Variants in ATP5F1E observed in about 807,000 individuals in gnomAD.
ATP5F1E encodes the protein ATP synthase F1 subunit epsilon.
ATP5F1E carries 5 observed loss-of-function variants against 7.0 expected under a neutral mutation model. The observed-to-expected ratio is 0.71, with a 90% CI of 0.37 to 1.49. The LOEUF (loss-of-function observed/expected upper bound fraction) is 1.49, where lower values mean the gene tolerates loss of function less well. ATP5F1E is among the 40% of genes most tolerant of loss of function. The pLI, the probability that ATP5F1E is intolerant of heterozygous loss-of-function variation, is 0.03. For missense variants in ATP5F1E, 59 were observed against 57.1 expected (o/e 1.03, Z -0.11); for synonymous variants, 20 against 20.1 (o/e 0.99, Z 0.02).
At chr20:59,031,857 G>GTA (rs1159258024) in intron 1 of ATP5F1E, among the ~76,000 whole-genome samples, 2 of 152,258 alleles carry the variant, frequency 1.3e-5, no homozygotes, top group Non-Finnish European at 2.9e-5. Context: ...CGAGGTGGAT[G>GTA]TGACTGTACT....
Position 59,032,318 on chromosome 20 carries a change from C to G in ATP5F1E, c.-67G>C. 1.3e-6 allele frequency: 2 copies of G among 1,560,596 alleles called. No homozygotes were observed. Among genetic ancestry groups the G allele is most frequent in the Non-Finnish European group, 1.7e-6 (2 of 1,151,242 alleles). On this transcript the variant is annotated 5_prime_UTR_variant, in exon 1 of 3. Coordinates refer to ENST00000243997, the MANE Select transcript of ATP5F1E (RefSeq NM_006886.4). ...CGCCGGCAATGTCGGCTCAGCCGGG[C>G]GGTTCAGCCGCAGGAAGATCAGACC...
chr20:59,026,056 C>T lies in ATP5F1E; in HGVS notation c.*2789G>A, dbSNP rs996863355. On this transcript the variant is annotated 3_prime_UTR_variant, in exon 3 of 3. Transcript: ENST00000243997. ...GATAACCGGTAATGGGAAAATGCTCCGACCCTCAATGCAGTAAATATTTAC... is the reference window on the plus strand; with the variant it reads ...GATAACCGGTAATGGGAAAATGCTCTGACCCTCAATGCAGTAAATATTTAC... 3.3e-5 allele frequency: 5 copies of T among 152,054 alleles called. No homozygotes were observed. The highest frequency in any genetic ancestry group is 6.6e-5 in the Admixed American group (1 of 15,266). 9.4% of individuals were successfully genotyped at this position (152,054 alleles called of 1,614,324 possible).
chr20:59,026,385 G>T lies in ATP5F1E; in HGVS notation c.*2460C>A, dbSNP rs1225277237. 1 of 152,178 alleles carries T rather than the reference G, an allele frequency of 6.6e-6. No individual in the cohort carries two copies. The allele number at this position is 152,178 out of a possible 1,614,324, so 9.4% of individuals were successfully genotyped here. ...TACCTATATACTTAGTTTGAAGTTAGTAACTTCCTGAGATGCTAAAGACTT... is the reference window on the plus strand; with the variant it reads ...TACCTATATACTTAGTTTGAAGTTATTAACTTCCTGAGATGCTAAAGACTT... On this transcript the variant is annotated 3_prime_UTR_variant, in exon 3 of 3. Transcript: ENST00000243997.
At chr20:59,029,542 A>G (rs904148122) in intron 2 of ATP5F1E, 2 of 152,250 alleles carry the variant, frequency 1.3e-5, no homozygotes, top group Non-Finnish European at 2.9e-5. Flanking sequence ...AAAGCAAAAC[A>G]AGAAAAATTA....
In ATP5F1E at chr20:59,026,066, T is replaced by C. The variant is rs957657532; in HGVS notation, c.*2779A>G. Reference sequence around the variant, plus strand: ...AATGGGAAAATGCTCCGACCCTCAATGCAGTAAATATTTACTTGCAGGCAA... The same window carrying C: ...AATGGGAAAATGCTCCGACCCTCAACGCAGTAAATATTTACTTGCAGGCAA... On this transcript the variant is annotated 3_prime_UTR_variant, in exon 3 of 3. Transcript: ENST00000243997. 1 of 152,230 alleles carries C rather than the reference T, an allele frequency of 6.6e-6. No individual in the cohort carries two copies. The highest frequency in any genetic ancestry group is 1.5e-5 in the Non-Finnish European group (1 of 68,042). 9.4% of individuals were successfully genotyped at this position (152,230 alleles called of 1,614,324 possible). A position where few individuals can be genotyped will look rare whatever the true frequency, so the allele number is the denominator to read the frequency against.
Position 59,027,417 on chromosome 20 carries a change from A to T in ATP5F1E, c.*1428T>A, listed in dbSNP as rs1387084998. ...TAATCTACCAATATACTAGCAATCT[A>T]CTATGCCATCTATATACCAATAATA... On this transcript the variant is annotated 3_prime_UTR_variant, in exon 3 of 3. Transcript: ENST00000243997. 6.6e-6 allele frequency: 1 copy of T among 152,032 alleles called. No individual in the cohort carries two copies. The highest frequency in any genetic ancestry group is 2.4e-5 in the African/African-American group (1 of 41,396). 9.4% of individuals were successfully genotyped at this position (152,032 alleles called of 1,614,324 possible). A position where few individuals can be genotyped will look rare whatever the true frequency, so the allele number is the denominator to read the frequency against.
chr20:59,031,191 T>C (rs1056638782), intron 1 of ATP5F1E, among the ~76,000 whole-genome samples: 3 of 152,226 alleles, frequency 2.0e-5, no homozygotes, highest in Admixed American at 6.5e-5. Flanking sequence ...TTCCAATGCC[T>C]GCTTCCATTC....
chr20:59,027,235 A>C lies in ATP5F1E; in HGVS notation c.*1610T>G, dbSNP rs994347522. 2.0e-5 allele frequency: 3 copies of C among 151,726 alleles called. No individual in the cohort carries two copies. Among genetic ancestry groups the C allele is most frequent in the East Asian group, 3.9e-4 (2 of 5,166 alleles). The allele number at this position is 151,726 out of a possible 1,614,324, so 9.4% of individuals were successfully genotyped here. The stretch of plus-strand genomic sequence containing the variant: ...ATCTCTATACCAATAATCTACCAAT[A>C]TACTACCAATCTACTATGCCATCTA... On this transcript the variant is annotated 3_prime_UTR_variant, in exon 3 of 3. Coordinates refer to ENST00000243997, the MANE Select transcript of ATP5F1E (RefSeq NM_006886.4).
At chr20:59,030,986 G>A (rs1306972699) in intron 1 of ATP5F1E, among the ~76,000 whole-genome samples, 1 of 152,204 alleles carries the variant, frequency 6.6e-6, no homozygotes, top group African/African-American at 2.4e-5. Flanking sequence ...AAATCAAACT[G>A]AAAAGTGCTT....
In ATP5F1E at chr20:59,025,516, CAT is replaced by C. The variant is rs1266237069; in HGVS notation, c.*3327_*3328del. ...TTATTTCTGAAGAGCTAGCCTTTAA[CAT>C]ATATGTTTATATAGTTTAAATTTCT... On this transcript the variant is annotated 3_prime_UTR_variant, in exon 3 of 3. Transcript: ENST00000243997. 3 of 152,518 alleles carry C rather than the reference CAT, an allele frequency of 2.0e-5. No individual in the cohort carries two copies. Among genetic ancestry groups the C allele is most frequent in the Non-Finnish European group, 2.9e-5 (2 of 68,264 alleles). The allele number at this position is 152,518 out of a possible 1,614,324, so 9.4% of individuals were successfully genotyped here.
In ATP5F1E at chr20:59,030,116, G is replaced by A. The variant is rs570573154; in HGVS notation, c.*3+187C>T. On this transcript the variant is annotated intron_variant, in intron 2 of 2. Transcript: ENST00000243997. ...ACTTCTGCTTGTCAGGGCCCAAGAA[G>A]ACTTTCTTTTTATTAGGCCAGGGGA... The A allele has an allele frequency of 1.3e-4, 73 of 583,084 alleles. No individual in the cohort carries two copies. The South Asian group carries it at 1.4e-3, about 11-fold the overall frequency. 36.1% of individuals were successfully genotyped at this position (583,084 alleles called of 1,614,324 possible). A position where few individuals can be genotyped will look rare whatever the true frequency, so the allele number is the denominator to read the frequency against.
At chr20:59,030,134 C>T in intron 2 of ATP5F1E, 169 bp downstream of exon 2, 1 of 760,336 alleles carries the variant, frequency 1.3e-6, no homozygotes, top group African/African-American at 1.8e-5. Flanking sequence ...TTTTATTAGG[C>T]CAGGGGACTT....
At chr20:59,029,688 T>C (rs11697265) in intron 2 of ATP5F1E, 1,682 of 159,890 alleles carry the variant, frequency 0.011, 20 homozygotes, top group Non-Finnish European at 0.011. Flanking sequence ...ACAGACCTTT[T>C]TATTTCACGA....
In ATP5F1E at chr20:59,032,321, T is replaced by C; in HGVS notation, c.-70A>G. On this transcript the variant is annotated 5_prime_UTR_variant, in exon 1 of 3. Transcript: ENST00000243997. ...CGGCAATGTCGGCTCAGCCGGGCGG[T>C]TCAGCCGCAGGAAGATCAGACCACA... 1 of 1,558,976 alleles carries C rather than the reference T, an allele frequency of 6.4e-7. No homozygotes were observed. Among genetic ancestry groups the C allele is most frequent in the East Asian group, 2.3e-5 (1 of 42,562 alleles).
chr20:59,030,217 G>A lies in ATP5F1E; in HGVS notation c.*3+86C>T. On this transcript the variant is annotated intron_variant, in intron 2 of 2. Coordinates refer to ENST00000243997, the MANE Select transcript of ATP5F1E (RefSeq NM_006886.4). ...AAATACACTGACTAAAAAATGAATA[G>A]AACCCAAAACTAAAATTATTTTGAT... 2.6e-6 allele frequency: 4 copies of A among 1,541,180 alleles called. No homozygotes were observed. In the South Asian group the frequency reaches 3.4e-5, roughly 13 times the overall value.
rs745382627 is a variant in ATP5F1E at position 59,030,329 on chromosome 20, T to G, written c.133A>C (p.Ile45Leu). The G allele has an allele frequency of 1.2e-6, 2 of 1,613,856 alleles. No individual in the cohort carries two copies. Among genetic ancestry groups the G allele is most frequent in the Non-Finnish European group, 1.7e-6 (2 of 1,179,848 alleles). Reference protein sequence around the residue: ...AEKTSGSNVKIVKVKKE With the variant: ...AEKTSGSNVKLVKVKKE ...GATTATTCCTTCTTTACTTTCACAA[T>G]TTTTACGTTGCTGCCAGAAGTCTTC... Residue 45 changes from isoleucine (I) to leucine (L), a missense_variant, in exon 2 of 3, where the codon ATT becomes CTT. By Grantham distance (5) the Ile-to-Leu change is conservative. Transcript: ENST00000243997.
At chr20:59,031,731 C>T (rs1455281899) in intron 1 of ATP5F1E, among the ~76,000 whole-genome samples, 2 of 152,062 alleles carry the variant, frequency 1.3e-5, no homozygotes, top group Non-Finnish European at 2.9e-5. Flanking sequence ...CTGAAATCAA[C>T]AGGACTTAAA....
chr20:59,029,473 G>A (rs191145521), intron 2 of ATP5F1E: 5 of 152,320 alleles, frequency 3.3e-5, no homozygotes, highest in South Asian at 2.1e-4. Flanking sequence ...ATAACCATAA[G>A]CTGCCAAAGG....
At position 59,026,833 on chromosome 20, in the gene ATP5F1E, G is replaced by A. The variant is rs1005649559; in HGVS notation, c.*2012C>T. 2 of 152,226 alleles carry A rather than the reference G, an allele frequency of 1.3e-5. No individual in the cohort carries two copies. Among genetic ancestry groups the A allele is most frequent in the Non-Finnish European group, 1.5e-5 (1 of 68,052 alleles). The allele number at this position is 152,226 out of a possible 1,614,324, so 9.4% of individuals were successfully genotyped here. ...TTGCTCCAGCGACCTTGGTCTCTCAGAGCAGCAGCATCACCGAAATTTAGA... is the reference window on the plus strand; with the variant it reads ...TTGCTCCAGCGACCTTGGTCTCTCAAAGCAGCAGCATCACCGAAATTTAGA... On this transcript the variant is annotated 3_prime_UTR_variant, in exon 3 of 3. Coordinates refer to ENST00000243997, the MANE Select transcript of ATP5F1E (RefSeq NM_006886.4).
Sources: gnomAD v4.1 joint callset for allele counts (sites outside exome capture counted in the v4.1 genomes callset) on GRCh38, gnomAD v4.1.1 for gene constraint, MANE v1.5 for transcripts, NCBI Gene and HGNC (gene_info 2026-07-23, HGNC 2026-07-21) for gene names.